POU6F2: variants seen among roughly 807,000 people sequenced by gnomAD.
POU6F2 encodes the protein POU domain, class 6, transcription factor 2.
In POU6F2, 31 loss-of-function variants were observed where a neutral mutation model predicts 71.3. That is an observed-to-expected ratio of 0.43 (90% CI 0.33 to 0.59). The LOEUF is 0.59. Ranked by LOEUF, POU6F2 falls within the 20% of genes least tolerant of loss-of-function variation. POU6F2 has a pLI of 0.04. For missense variants in POU6F2, 783 were observed against 856.8 expected (o/e 0.91, Z 1.07); for synonymous variants, 347 against 355.7 (o/e 0.98, Z 0.27).
rs1231850321 is a variant in POU6F2, at chr7:38,989,820, TG to T, written c.105+11763del. On this transcript the variant is annotated intron_variant, in intron 1 of 9. Transcript: ENST00000518318. ...GTGTGTTTGTGTGTGTGTGTGTGTG[TG>T]TGTGTTTGTGTGTGTGTGTGTGTGT... Among the ~76,000 whole-genome samples the T allele has an allele frequency of 1.5e-4, 20 of 136,140 alleles. No individual in the cohort carries two copies. The East Asian group carries it at 3.8e-3, about 26-fold the overall frequency. 89.3% of individuals were successfully genotyped at this position (136,140 alleles called of 152,430 possible).
chr7:39,036,819 A>C (rs1790075808), intron 1 of POU6F2, among the ~76,000 whole-genome samples: 1 of 152,006 alleles, frequency 6.6e-6, no homozygotes, highest in African/African-American at 2.4e-5. Flanking sequence ...CATTTAATTC[A>C]CAGTGTCCTA....
chr7:39,076,464 A>G (rs990517259), intron 1 of POU6F2, among the ~76,000 whole-genome samples: 14 of 152,200 alleles, frequency 9.2e-5, no homozygotes, highest in Admixed American at 2.6e-4. Context: ...GCATTTACCT[A>G]TGTAACAAAC....
chr7:39,385,281 T>C (rs1217488665), intron 5 of POU6F2, among the ~76,000 whole-genome samples: 1 of 152,234 alleles, frequency 6.6e-6, no homozygotes, highest in East Asian at 1.9e-4. Flanking sequence ...CACGAATGAC[T>C]GCTTTTTCCC....
At chr7:39,290,936 A>G (rs1784743035) in intron 4 of POU6F2, among the ~76,000 whole-genome samples, 1 of 151,816 alleles carries the variant, frequency 6.6e-6, no homozygotes. Context: ...TGTCACTACT[A>G]TAAAGAAAAT....
At chr7:39,159,722 G>A (rs1310347653) in intron 2 of POU6F2, among the ~76,000 whole-genome samples, 1 of 152,128 alleles carries the variant, frequency 6.6e-6, no homozygotes, top group Non-Finnish European at 1.5e-5. Context: ...GGGATGTAAA[G>A]AGGGTAGGAA....
At chr7:39,118,436 C>T (rs2128727050) in intron 2 of POU6F2, among the ~76,000 whole-genome samples, 1 of 151,952 alleles carries the variant, frequency 6.6e-6, no homozygotes, top group Non-Finnish European at 1.5e-5. Context: ...CCCTCAACAA[C>T]ATAAGATACT....
chr7:39,113,704 T>A (rs151111575), intron 2 of POU6F2, among the ~76,000 whole-genome samples: 1,639 of 152,294 alleles, frequency 0.011, 7 homozygotes, highest in Non-Finnish European at 0.017. Context: ...TCAGAAATAG[T>A]TTATCTTTAG....
At chr7:38,978,633 ACT>A (rs1353724349) in intron 1 of POU6F2, among the ~76,000 whole-genome samples, 9 of 152,164 alleles carry the variant, frequency 5.9e-5, no homozygotes, top group Non-Finnish European at 8.8e-5. Context: ...CAAATTAAAC[ACT>A]GTCACAATCT....
chr7:39,079,064 C>T (rs1403867392), intron 1 of POU6F2, among the ~76,000 whole-genome samples: 2 of 151,944 alleles, frequency 1.3e-5, no homozygotes, highest in Non-Finnish European at 1.5e-5. Context: ...CAGTTAGATA[C>T]CTTAATGTGG....
intron 1 of POU6F2, among the ~76,000 whole-genome samples, chr7:39,054,351 G>A (rs939228945): frequency 4.6e-5 from 7 of 151,970 alleles, no homozygotes; most frequent in Non-Finnish European, 8.8e-5. Context: ...CATGGGCAGC[G>A]TAATTGCTCC....
At chr7:39,282,529 T>C (rs1194372729) in intron 4 of POU6F2, among the ~76,000 whole-genome samples, 1 of 152,192 alleles carries the variant, frequency 6.6e-6, no homozygotes, top group Non-Finnish European at 1.5e-5. Flanking sequence ...GACCATTTAT[T>C]GAAGAGAATG....
chr7:39,100,784 T>TTC (rs1459527796), intron 2 of POU6F2, among the ~76,000 whole-genome samples: 1 of 152,198 alleles, frequency 6.6e-6, no homozygotes, highest in Middle Eastern at 3.2e-3. Context: ...GTTACTACTG[T>TTC]TCCCTCTGTG....
In POU6F2 at chr7:39,464,799, C is replaced by T. The variant is rs913622471; in HGVS notation, c.*113C>T. The stretch of plus-strand genomic sequence containing the variant: ...AATTTAATTTAAAAATAGCCCCAGT[C>T]GTCATCACCCTTGTAAGTAAATGAC... On this transcript the variant is annotated 3_prime_UTR_variant, in exon 10 of 10. Transcript: ENST00000518318. This position sits in a 1 kb window ranked among gnomAD's most constrained non-coding sequence, Gnocchi z 4.1. 34 of 1,227,824 alleles carry T rather than the reference C, an allele frequency of 2.8e-5. No individual in the cohort carries two copies. Among genetic ancestry groups the T allele is most frequent in the South Asian group, 6.5e-5 (4 of 61,760 alleles). 76.1% of individuals were successfully genotyped at this position (1,227,824 alleles called of 1,614,324 possible).
intron 1 of POU6F2, among the ~76,000 whole-genome samples, chr7:39,060,878 G>A (rs903400381): frequency 6.6e-6 from 1 of 151,830 alleles, no homozygotes; most frequent in African/African-American, 2.4e-5. Flanking sequence ...GTTCAAGGCT[G>A]TAGGGTGCTA....
At chr7:39,279,892 G>A (rs376169287) in intron 4 of POU6F2, among the ~76,000 whole-genome samples, 14 of 151,966 alleles carry the variant, frequency 9.2e-5, no homozygotes, top group African/African-American at 2.4e-4. Context: ...GATTACAGGC[G>A]CCTGCCACTA....
At chr7:39,271,956 G>A (rs1321961539) in intron 4 of POU6F2, among the ~76,000 whole-genome samples, 3 of 151,706 alleles carry the variant, frequency 2.0e-5, no homozygotes, top group Non-Finnish European at 4.4e-5. Flanking sequence ...GATCCATACG[G>A]TTATGAAGAG....
At chr7:39,163,997 G>C (rs1793055439) in intron 2 of POU6F2, among the ~76,000 whole-genome samples, 1 of 152,082 alleles carries the variant, frequency 6.6e-6, no homozygotes, top group African/African-American at 2.4e-5. Flanking sequence ...AGTTAGGCAG[G>C]AGAAGTAAGT....
In POU6F2 at chr7:39,339,765, C is replaced by T; in HGVS notation, c.722C>T (p.Pro241Leu). 7 of 1,587,750 alleles carry T rather than the reference C, an allele frequency of 4.4e-6. No homozygotes were observed. The highest frequency in any genetic ancestry group is 6.0e-6 in the Non-Finnish European group (7 of 1,167,434). Residue 241 changes from proline to leucine, a missense_variant, in exon 5 of 10, where the codon CCC (proline) becomes CTC (leucine). This residue lies in a region of POU6F2 where 572 missense variants were observed against 572.9 expected (regional missense o/e 1.00). Coordinates refer to ENST00000518318, the MANE Select transcript of POU6F2 (RefSeq NM_001370959.1). ...NQHPQPAPQA[P>L]SQSQQQPLQP... ...CACCCGCAACCAGCCCCACAGGCGCCCTCGCAGTCCCAGCAGCAGCCGCTG... is the reference window on the plus strand; with the variant it reads ...CACCCGCAACCAGCCCCACAGGCGCTCTCGCAGTCCCAGCAGCAGCCGCTG...
At chr7:39,252,253 A>G (rs1031824143) in intron 4 of POU6F2, among the ~76,000 whole-genome samples, 1 of 151,920 alleles carries the variant, frequency 6.6e-6, no homozygotes, top group African/African-American at 2.4e-5. Context: ...CCTCTGTTTG[A>G]GTGTGGGTCC....
Sources: allele counts gnomAD v4.1 joint callset (sites outside exome capture counted in the v4.1 genomes callset), GRCh38; gene constraint gnomAD v4.1.1; regional missense constraint gnomAD v4.1.1; non-coding constraint Gnocchi (gnomAD v3.1); transcripts MANE v1.5; gene names NCBI Gene and HGNC (gene_info 2026-07-23, HGNC 2026-07-21).